The following DLG2 variants were observed in gnomAD, a reference collection of about 807,000 sequenced individuals.
DLG2 encodes discs large MAGUK scaffold protein 2.
Under a neutral mutation model 132.5 loss-of-function variants are expected in DLG2, and 45 were observed. The observed-to-expected ratio is 0.34, with a 90% CI of 0.27 to 0.44. The LOEUF (loss-of-function observed/expected upper bound fraction) is 0.44, where lower values mean the gene tolerates loss of function less well. DLG2 is among the 20% of genes least tolerant of loss of function. DLG2 has a pLI of 1.00. For synonymous variants in DLG2, 424 were observed against 419.6 expected, an observed-to-expected ratio of 1.01 and a Z score of -0.13; for missense variants, 1,045 against 1,196.9, an observed-to-expected ratio of 0.87 and a Z score of 1.87.
intron 6 of DLG2, chr11:85,021,457 G>C: frequency 7.1e-7 from 1 of 1,417,552 alleles, no homozygotes; most frequent in Non-Finnish European, 1.0e-6. Context: ...TCCTGCTACA[G>C]CAGCCCGGGC....
At chr11:85,309,770 T>G (rs1164761340) in intron 3 of DLG2, among the ~76,000 whole-genome samples, 1 of 152,158 alleles carries the variant, frequency 6.6e-6, no homozygotes, top group African/African-American at 2.4e-5. Flanking sequence ...CTTCTACTTT[T>G]TATCCCTTAA....
chr11:84,061,543 C>T (rs561691920), intron 10 of DLG2, among the ~76,000 whole-genome samples: 2 of 152,206 alleles, frequency 1.3e-5, no homozygotes, highest in Admixed American at 1.3e-4. Flanking sequence ...AAAATTTGAG[C>T]TTTTCTCTCT....
At chr11:84,650,229 A>T (rs556581883) in intron 6 of DLG2, among the ~76,000 whole-genome samples, 1 of 152,134 alleles carries the variant, frequency 6.6e-6, no homozygotes, top group South Asian at 2.1e-4. Context: ...TTTACCTTTC[A>T]TTCTTTCTTT....
intron 3 of DLG2, among the ~76,000 whole-genome samples, chr11:85,401,130 C>T (rs1310957673): frequency 2.0e-5 from 3 of 151,996 alleles, no homozygotes; most frequent in Non-Finnish European, 2.9e-5. Flanking sequence ...CATCAAAAAG[C>T]TTATCCAACA....
chr11:85,569,529 C>T (rs1565698334), intron 3 of DLG2, among the ~76,000 whole-genome samples: 2 of 152,154 alleles, frequency 1.3e-5, no homozygotes, highest in Admixed American at 6.5e-5. Flanking sequence ...GATTTTTCCA[C>T]ATTTCCTTCT....
chr11:84,170,035 G>A (rs1035830385), intron 8 of DLG2, among the ~76,000 whole-genome samples: 1 of 152,090 alleles, frequency 6.6e-6, no homozygotes, highest in Non-Finnish European at 1.5e-5. Flanking sequence ...ATATCCTCAT[G>A]TTCATGAGAG....
At chr11:84,146,624 C>T (rs2095093778) in intron 9 of DLG2, among the ~76,000 whole-genome samples, 1 of 152,066 alleles carries the variant, frequency 6.6e-6, no homozygotes, top group Non-Finnish European at 1.5e-5. Flanking sequence ...TGAGAACAGG[C>T]TGTGGCAATA....
chr11:83,590,934 A>T (rs1195259522), intron 19 of DLG2, among the ~76,000 whole-genome samples: 1 of 151,446 alleles, frequency 6.6e-6, no homozygotes, highest in Non-Finnish European at 1.5e-5. Flanking sequence ...TCCCAAGACT[A>T]AACCAGGAAG....
rs559785804 is a variant in DLG2, at chr11:83,656,358, A to C, written c.1826-23033T>G. Among the ~76,000 whole-genome samples, 6 of 152,120 alleles carry C rather than the reference A, an allele frequency of 3.9e-5. No homozygotes were observed. The East Asian group carries it at 1.2e-3, about 29-fold the overall frequency. Reference sequence around the variant, plus strand: ...GAGCCTCAGGGCCTTTCCACCCATCATTTCCTCTCCAAGGTGGGTCCTGGT... The same window carrying C: ...GAGCCTCAGGGCCTTTCCACCCATCCTTTCCTCTCCAAGGTGGGTCCTGGT... On this transcript the variant is annotated intron_variant, in intron 18 of 27. Coordinates refer to ENST00000376104, the MANE Select transcript of DLG2 (RefSeq NM_001142699.3).
rs546598486 is a variant in DLG2 at position 85,626,054 on chromosome 11, C to T, written c.-93+533G>A. On this transcript the variant is annotated intron_variant, in intron 2 of 27. Coordinates refer to ENST00000376104, the MANE Select transcript of DLG2 (RefSeq NM_001142699.3). ...GATAATGCATATATCTGGAAAAGCA[C>T]AATAGTCACGAAAGTTGTGCTTTAT... 4.6e-5 allele frequency among the ~76,000 whole-genome samples: 7 copies of T among 152,324 alleles called. No homozygotes were observed. In the South Asian group the frequency reaches 1.0e-3, roughly 23 times the overall value.
At chr11:85,065,899 C>A (rs2064845225) in intron 6 of DLG2, among the ~76,000 whole-genome samples, 1 of 151,204 alleles carries the variant, frequency 6.6e-6, no homozygotes, top group Non-Finnish European at 1.5e-5. Context: ...TAACATCACA[C>A]CTCAAAGAAC....
At chr11:84,181,251 T>C (rs975950455) in intron 8 of DLG2, among the ~76,000 whole-genome samples, 3 of 151,950 alleles carry the variant, frequency 2.0e-5, no homozygotes, top group African/African-American at 7.2e-5. Context: ...ACTTGTACTA[T>C]TTGTGAAGTG....
chr11:84,239,045 C>A (rs1251276897), intron 8 of DLG2, among the ~76,000 whole-genome samples: 1 of 152,116 alleles, frequency 6.6e-6, no homozygotes, highest in Admixed American at 6.5e-5. Context: ...TGATGAATTA[C>A]TTTTCAAATA....
intron 3 of DLG2, among the ~76,000 whole-genome samples, chr11:85,428,876 G>A (rs537242404): frequency 2.8e-4 from 43 of 151,960 alleles, no homozygotes; most frequent in African/African-American, 8.2e-4. Context: ...TTGATAGACC[G>A]CTAGCAAGAC....
At chr11:84,283,284 A>G (rs1471296603) in intron 7 of DLG2, among the ~76,000 whole-genome samples, 1 of 152,236 alleles carries the variant, frequency 6.6e-6, no homozygotes, top group Non-Finnish European at 1.5e-5. Flanking sequence ...AGGCTAAAGT[A>G]ACTGACATCA....
chr11:83,823,883 G>A (rs2051641884), intron 17 of DLG2, among the ~76,000 whole-genome samples: 1 of 152,040 alleles, frequency 6.6e-6, no homozygotes, highest in East Asian at 1.9e-4. Context: ...AGGCATTTAT[G>A]CTTTTTTCAT....
intron 3 of DLG2, among the ~76,000 whole-genome samples, chr11:85,450,502 T>C (rs2092199573): frequency 1.3e-5 from 2 of 152,324 alleles, no homozygotes; most frequent in South Asian, 4.1e-4. Context: ...ACTCATCTTC[T>C]TTTTTGGCCC....
chr11:85,428,277 C>G (rs151244988), intron 3 of DLG2, among the ~76,000 whole-genome samples: 2,172 of 152,278 alleles, frequency 0.014, 51 homozygotes, highest in African/African-American at 0.05. Flanking sequence ...CCAAGTGGAC[C>G]TAATAGACAT....
intron 8 of DLG2, among the ~76,000 whole-genome samples, chr11:84,209,308 G>A (rs1457435368): frequency 2.6e-5 from 4 of 152,242 alleles, no homozygotes; most frequent in Admixed American, 6.5e-5. Context: ...AATCAAGGTC[G>A]CAAGAAATAA....
Sources: gnomAD v4.1 joint callset for allele counts (sites outside exome capture counted in the v4.1 genomes callset) on GRCh38, gnomAD v4.1.1 for gene constraint, MANE v1.5 for transcripts, NCBI Gene and HGNC (gene_info 2026-07-23, HGNC 2026-07-21) for gene names.